IFT172: variants seen among roughly 807,000 people sequenced by gnomAD.
IFT172 encodes intraflagellar transport 172.
A neutral mutation model predicts 248.9 loss-of-function variants in IFT172; 164 were observed. The observed-to-expected ratio is 0.66, with a 90% CI of 0.58 to 0.75. The LOEUF (loss-of-function observed/expected upper bound fraction) is 0.75. IFT172 is among the 30% of genes least tolerant of loss of function. The pLI is 0.00. For synonymous variants in IFT172, 729 were observed against 791.6 expected (o/e 0.92, Z 1.33); for missense variants, 1,950 against 2,192.4 (o/e 0.89, Z 2.21).
At chr2:27,465,715 C>T in intron 17 of IFT172, 31 bp downstream of exon 17, 1 of 1,613,746 alleles carries the variant, frequency 6.2e-7, no homozygotes. Context: ...GACTCTCCCA[C>T]CACCTCACTG....
chr2:27,474,733 G>A (rs1177584630), intron 14 of IFT172, among the ~76,000 whole-genome samples: 19 of 152,060 alleles, frequency 1.2e-4, no homozygotes, highest in Admixed American at 1.2e-3. Flanking sequence ...TGTATTTTTG[G>A]TAGAGACGGG....
Position 27,456,512 on chromosome 2 carries a change from A to G in IFT172, c.3370T>C (p.Cys1124Arg), listed in dbSNP as rs931407294. 1.2e-6 allele frequency: 2 copies of G among 1,612,790 alleles called. No homozygotes were observed. The highest frequency in any genetic ancestry group is 2.7e-5 in the African/African-American group (2 of 74,872). ...EAAVDHAADNCSFEFAFELSR... is the reference protein window; with the variant it reads ...EAAVDHAADNRSFEFAFELSR... ...TGGAGAGAAAGCTTGGGGCCTCACCAATTGTCTGCAGCGTGGTCAACAGCA... is the reference window on the plus strand; with the variant it reads ...TGGAGAGAAAGCTTGGGGCCTCACCGATTGTCTGCAGCGTGGTCAACAGCA... Residue 1124 changes from cysteine to arginine, a missense_variant and splice_region_variant, in exon 30 of 48, where the codon TGC (cysteine) becomes CGC (arginine). By Grantham distance (180) the Cys-to-Arg change is radical. Transcript: ENST00000260570.
At chr2:27,484,013 AC>A in intron 4 of IFT172, 76 bp from the exon 5 acceptor site, 1 of 1,312,782 alleles carries the variant, frequency 7.6e-7, no homozygotes, top group South Asian at 1.2e-5. Flanking sequence ...TCAACACCCC[AC>A]CACACACCAC....
At chr2:27,456,449 C>A (rs1666168742) in intron 30 of IFT172, 62 bp downstream of exon 30, 1 of 1,548,312 alleles carries the variant, frequency 6.5e-7, no homozygotes, top group Admixed American at 2.1e-5. Flanking sequence ...CATCAATTTT[C>A]TTTCTCTAGA....
At chr2:27,465,618 T>C (rs1176406046) in intron 17 of IFT172, 100 bp from the exon 18 acceptor site, 1 of 1,534,262 alleles carries the variant, frequency 6.5e-7, no homozygotes, top group East Asian at 2.2e-5. Flanking sequence ...AGGGCCATCT[T>C]TGTCTCATCT....
In IFT172 at chr2:27,477,562, C is replaced by G; in HGVS notation, c.1218G>C (p.Glu406Asp). The change falls in exon 12 of 48, where the codon GAG becomes GAC. Residue 406 changes from glutamate (E) to aspartate (D), a missense_variant. Physicochemically the swap from Glu to Asp is conservative, Grantham distance 45 (BLOSUM62 2). Transcript: ENST00000260570. ...TGGTGAATCAAGCTCTACTCACATTCTCATTTTCAAAGAAATACTTCTCAT... is the reference window on the plus strand; with the variant it reads ...TGGTGAATCAAGCTCTACTCACATTGTCATTTTCAAAGAAATACTTCTCAT... Reference protein sequence around the residue: ...GGNEKYFFENENVCMIFNAGE... With the variant: ...GGNEKYFFENDNVCMIFNAGE... 6.2e-7 allele frequency: 1 copy of G among 1,604,098 alleles called. No homozygotes were observed. Among genetic ancestry groups the G allele is most frequent in the African/African-American group, 1.3e-5 (1 of 74,852 alleles).
At chr2:27,487,476 G>A (rs1558420794) in intron 1 of IFT172, among the ~76,000 whole-genome samples, 1 of 152,182 alleles carries the variant, frequency 6.6e-6, no homozygotes. Context: ...ATAACACTGA[G>A]GTAGATGCTA....
intron 3 of IFT172, among the ~76,000 whole-genome samples, 191 bp downstream of exon 3, chr2:27,484,827 C>T (rs1395272982): frequency 6.6e-6 from 1 of 152,282 alleles, no homozygotes; most frequent in African/African-American, 2.4e-5. Context: ...TGGACTGTTT[C>T]CTCCAGGGAT....
chr2:27,454,080 C>T lies in IFT172; in HGVS notation c.3613G>A (p.Gly1205Arg). The T allele has an allele frequency of 6.2e-7, 1 of 1,614,114 alleles. No individual in the cohort carries two copies. The highest frequency in any genetic ancestry group is 2.2e-5 in the East Asian group (1 of 44,876). The change falls in exon 33 of 48, where the codon GGA becomes AGA. Residue 1205 changes from glycine to arginine, a missense_variant. By Grantham distance (125) the Gly-to-Arg change is moderately radical (BLOSUM62 -2). Coordinates refer to ENST00000260570, the MANE Select transcript of IFT172 (RefSeq NM_015662.3). This position sits in a 1 kb window ranked among gnomAD's most constrained non-coding sequence, Gnocchi z 4.2. ...DPDSVAEVLV[G>R]QARGALEEKD... ...TCCTCCAAGGCCCCCCGGGCCTGTC[C>T]CACAAGCACCTCGGCGACACTGTCA...
intron 35 of IFT172, among the ~76,000 whole-genome samples, chr2:27,451,492 G>A (rs116238046): frequency 0.014 from 2,088 of 152,204 alleles, 25 homozygotes; most frequent in South Asian, 0.023. Flanking sequence ...GGCCAGGCAC[G>A]GTGGCTCACG....
chr2:27,453,552 G>A (rs1665895382), intron 34 of IFT172, 39 bp from the exon 35 acceptor site: 1 of 1,611,304 alleles, frequency 6.2e-7, no homozygotes, highest in South Asian at 1.1e-5. Flanking sequence ...CATGGTAGGG[G>A]GGCAGCATGC....
At position 27,444,687 on chromosome 2, in the gene IFT172, G is replaced by A. The variant is rs185432065; in HGVS notation, c.5161-166C>T. ...TTTTGAGACAAAGTCTTGCTTTGTC[G>A]CCCAGGCTGGAGTGCAGTGGCACAA... is the stretch of plus-strand genomic sequence containing the variant. On this transcript the variant is annotated intron_variant, in intron 47 of 47. Coordinates refer to ENST00000260570, the MANE Select transcript of IFT172 (RefSeq NM_015662.3). 1.8e-4 allele frequency among the ~76,000 whole-genome samples: 28 copies of A among 152,126 alleles called. No individual in the cohort carries two copies. The East Asian group carries it at 3.1e-3, about 17-fold the overall frequency.
At chr2:27,448,719 G>C (rs879112682) in intron 40 of IFT172, among the ~76,000 whole-genome samples, 196 bp downstream of exon 40, 1 of 152,146 alleles carries the variant, frequency 6.6e-6, no homozygotes, top group Admixed American at 6.5e-5. Flanking sequence ...GGAAGTTTCT[G>C]CAAACCTCCC....
chr2:27,447,660 G>C (rs1665267938), intron 41 of IFT172, 26 bp from the exon 42 acceptor site: 1 of 1,613,978 alleles, frequency 6.2e-7, no homozygotes. Flanking sequence ...AGCACAGCCT[G>C]GCTCAGGGGT....
intron 16 of IFT172, among the ~76,000 whole-genome samples, chr2:27,467,270 G>C (rs1384927494): frequency 6.6e-6 from 1 of 151,542 alleles, no homozygotes; most frequent in Non-Finnish European, 1.5e-5. Context: ...AATCGAAACA[G>C]ATCTACAGAA....
At chr2:27,467,417 T>A (rs1438402005) in intron 16 of IFT172, among the ~76,000 whole-genome samples, 2 of 9,604 alleles carry the variant, frequency 2.1e-4, no homozygotes, top group East Asian at 1.3e-3. Context: ...TACAGAAAAT[T>A]GAAAAAAAAA....
At chr2:27,476,265 GTTTTGT>G (rs147264912) in intron 14 of IFT172, among the ~76,000 whole-genome samples, 14 of 152,012 alleles carry the variant, frequency 9.2e-5, no homozygotes, top group Non-Finnish European at 2.1e-4. Flanking sequence ...GGACCTCTGG[GTTTTGT>G]TTTTGTTTTT....
chr2:27,447,291 A>T (rs574387101), intron 42 of IFT172, among the ~76,000 whole-genome samples: 2 of 152,374 alleles, frequency 1.3e-5, no homozygotes, highest in Admixed American at 6.5e-5. Context: ...TGGATGTTTA[A>T]ACATAATGAG....
intron 14 of IFT172, chr2:27,475,518 T>G (rs1351806643): frequency 6.6e-6 from 1 of 152,244 alleles, no homozygotes; most frequent in Non-Finnish European, 1.5e-5. Context: ...CTTCATAAAT[T>G]TGTGTGTCAT....
Sources: gnomAD v4.1 joint callset for allele counts (sites outside exome capture counted in the v4.1 genomes callset) on GRCh38, gnomAD v4.1.1 for gene constraint, Gnocchi (gnomAD v3.1) non-coding constraint, MANE v1.5 for transcripts, NCBI Gene and HGNC (gene_info 2026-07-23, HGNC 2026-07-21) for gene names.